TIAM1: variants seen among roughly 807,000 people sequenced by gnomAD.
The protein encoded by TIAM1 is rho guanine nucleotide exchange factor TIAM1.
TIAM1 carries 65 observed loss-of-function variants against 163.5 expected under a neutral mutation model. That is an observed-to-expected ratio of 0.40 (90% CI 0.33 to 0.49). The LOEUF (loss-of-function observed/expected upper bound fraction) is 0.49. Ranked by LOEUF, TIAM1 falls within the 20% of genes least tolerant of loss-of-function variation. TIAM1 has a pLI of 0.77. For missense variants in TIAM1, 1,789 were observed against 2,044.7 expected (o/e 0.87, Z 2.41); for synonymous variants, 833 against 810.1 (o/e 1.03, Z -0.48).
intron 15 of TIAM1, among the ~76,000 whole-genome samples, chr21:31,175,859 A>G (rs974718988): frequency 6.6e-6 from 1 of 152,198 alleles, no homozygotes; most frequent in African/African-American, 2.4e-5. Context: ...TCGGCCTCCC[A>G]AAGTGCTGGG....
At chr21:31,399,731 A>G (rs2077132769) in intron 2 of TIAM1, among the ~76,000 whole-genome samples, 1 of 152,220 alleles carries the variant, frequency 6.6e-6, no homozygotes, top group Admixed American at 6.5e-5. Context: ...AAACCCATTA[A>G]GATTTTTGAC....
chr21:31,237,716 CAT>C (rs1438545484), intron 6 of TIAM1, among the ~76,000 whole-genome samples: 1 of 152,174 alleles, frequency 6.6e-6, no homozygotes, highest in African/African-American at 2.4e-5. Flanking sequence ...TATATAACTG[CAT>C]ATGATTTTCT....
intron 2 of TIAM1, among the ~76,000 whole-genome samples, chr21:31,288,868 G>A (rs529067643): frequency 6.6e-6 from 1 of 152,242 alleles, no homozygotes; most frequent in South Asian, 2.1e-4. Context: ...AATAAAAATA[G>A]GATGCCTCAG....
rs58141765 is a variant in TIAM1 at position 31,197,539 on chromosome 21, C to CTTTTTTTTTTTTT, written c.2494-2247_2494-2235dup. On this transcript the variant is annotated intron_variant, in intron 12 of 27. Transcript: ENST00000541036. ...TACAGGCGCCCGCCACCGCGCCCGG[C>CTTTTTTTTTTTTT]TTTTTTTTTTTTTTTGTATTTTTAG... Among the ~76,000 whole-genome samples, 715 of 123,066 alleles carry CTTTTTTTTTTTTT rather than the reference C, an allele frequency of 5.8e-3. 36 individuals are homozygous for CTTTTTTTTTTTTT. In the East Asian group the frequency reaches 0.094, roughly 16 times the overall value. The allele number at this position is 123,066 out of a possible 152,430, so 80.7% of individuals were successfully genotyped here. A position where few individuals can be genotyped will look rare whatever the true frequency, so the allele number is the denominator to read the frequency against.
At chr21:31,262,035 C>T (rs2146797088) in intron 4 of TIAM1, among the ~76,000 whole-genome samples, 1 of 152,304 alleles carries the variant, frequency 6.6e-6, no homozygotes, top group South Asian at 2.1e-4. Context: ...AAGGCTCCAT[C>T]AAACGGCAGG....
chr21:31,551,836 G>A (rs979244552), intron 1 of TIAM1, among the ~76,000 whole-genome samples: 1 of 152,114 alleles, frequency 6.6e-6, no homozygotes, highest in East Asian at 1.9e-4. Context: ...AGGAAGCTGA[G>A]AATTAAATCA....
intron 1 of TIAM1, among the ~76,000 whole-genome samples, chr21:31,543,281 G>T (rs1020914044): frequency 3.3e-5 from 5 of 152,172 alleles, no homozygotes; most frequent in African/African-American, 1.2e-4. Context: ...TGGGCTTCTC[G>T]TCCCACAGCC....
chr21:31,383,258 C>T (rs567769199), intron 2 of TIAM1, among the ~76,000 whole-genome samples: 1 of 152,148 alleles, frequency 6.6e-6, no homozygotes, highest in South Asian at 2.1e-4. Context: ...AAGTGTAAAA[C>T]ATAATAGTTC....
intron 27 of TIAM1, among the ~76,000 whole-genome samples, chr21:31,121,839 G>T (rs1029973456): frequency 6.6e-6 from 1 of 152,122 alleles, no homozygotes; most frequent in Non-Finnish European, 1.5e-5. Context: ...ACATACACGA[G>T]ACTGCTCACA....
At chr21:31,454,999 G>T (rs2045033888) in intron 2 of TIAM1, among the ~76,000 whole-genome samples, 1 of 152,096 alleles carries the variant, frequency 6.6e-6, no homozygotes, top group Admixed American at 6.6e-5. Context: ...TGAGCCTAGA[G>T]TCCAGGCACG....
chr21:31,253,154 G>C (rs1339584613), intron 4 of TIAM1, among the ~76,000 whole-genome samples: 2 of 152,222 alleles, frequency 1.3e-5, no homozygotes, highest in Non-Finnish European at 2.9e-5. Context: ...TAGTCATCAA[G>C]GAAGGATACT....
intron 1 of TIAM1, among the ~76,000 whole-genome samples, chr21:31,494,291 T>TGCCC (rs2046570156): frequency 6.6e-6 from 1 of 152,122 alleles, no homozygotes; most frequent in African/African-American, 2.4e-5. Flanking sequence ...CAGCTCCTCT[T>TGCCC]GCCCCCTTCT....
intron 6 of TIAM1, among the ~76,000 whole-genome samples, chr21:31,236,629 G>GA (rs200439385): frequency 0.01 from 1,524 of 151,046 alleles, 15 homozygotes; most frequent in Non-Finnish European, 0.016. Flanking sequence ...TTGGGTTTTT[G>GA]AAAAAAAAAT....
chr21:31,417,648 T>C (rs2043419052), intron 2 of TIAM1, among the ~76,000 whole-genome samples: 1 of 152,122 alleles, frequency 6.6e-6, no homozygotes, highest in Admixed American at 6.6e-5. Context: ...ATCAGTGTCC[T>C]AACAAGCAAA....
intron 16 of TIAM1, among the ~76,000 whole-genome samples, chr21:31,155,972 A>G (rs1313039832): frequency 6.6e-6 from 1 of 152,208 alleles, no homozygotes; most frequent in African/African-American, 2.4e-5. Context: ...CCTCCCAAAA[A>G]CAATCGTTGG....
chr21:31,514,690 T>C (rs1602464926), intron 1 of TIAM1, among the ~76,000 whole-genome samples: 2 of 152,056 alleles, frequency 1.3e-5, no homozygotes, highest in African/African-American at 4.8e-5. Flanking sequence ...GAGACGCTTA[T>C]CTCAAAAAAA....
At chr21:31,427,664 A>T (rs957051199) in intron 2 of TIAM1, among the ~76,000 whole-genome samples, 5 of 151,188 alleles carry the variant, frequency 3.3e-5, no homozygotes, top group East Asian at 2.0e-4. Context: ...TCTATGAAAA[A>T]TTTTTTTTAA....
intron 2 of TIAM1, among the ~76,000 whole-genome samples, chr21:31,377,354 C>T (rs2076705159): frequency 6.6e-6 from 1 of 152,076 alleles, no homozygotes. Flanking sequence ...AAGCTGCTAC[C>T]CTTGGCAGGG....
intron 1 of TIAM1, among the ~76,000 whole-genome samples, chr21:31,342,665 G>C (rs917502779): frequency 6.6e-6 from 1 of 152,190 alleles, no homozygotes; most frequent in Admixed American, 6.5e-5. Context: ...GGGCGTGAGG[G>C]AGTAGATCAC....
Sources: allele counts gnomAD v4.1 joint callset (sites outside exome capture counted in the v4.1 genomes callset), GRCh38; gene constraint gnomAD v4.1.1; transcripts MANE v1.5; gene names NCBI Gene and HGNC (gene_info 2026-07-23, HGNC 2026-07-21).